CSMD1: variants seen among roughly 807,000 people sequenced by gnomAD.
The protein encoded by CSMD1 is CUB and sushi domain-containing protein 1.
A neutral mutation model predicts 417.5 loss-of-function variants in CSMD1; 213 were observed. That is an observed-to-expected ratio of 0.51 (90% CI 0.46 to 0.57). The LOEUF (loss-of-function observed/expected upper bound fraction) is 0.57, where lower values mean the gene tolerates loss of function less well. Among genes scored for constraint, CSMD1 ranks in the 20% least tolerant of loss-of-function variants. The probability of loss-of-function intolerance (pLI) is 0.00; values close to 1 mark genes in which losing one functional copy is unlikely to be tolerated. For missense variants in CSMD1, 6,923 were observed against 4,529.7 expected, an observed-to-expected ratio of 1.53 and a Z score of -15.17; for synonymous variants, 2,862 against 1,736.8, an observed-to-expected ratio of 1.65 and a Z score of -16.11.
chr8:3,913,185 C>T (rs1363008504), intron 5 of CSMD1, among the ~76,000 whole-genome samples: 3 of 151,908 alleles, frequency 2.0e-5, no homozygotes, highest in Non-Finnish European at 2.9e-5. Context: ...AGTTGAGAAC[C>T]GAATATATTG....
intron 3 of CSMD1, among the ~76,000 whole-genome samples, chr8:4,163,058 G>A (rs1180406084): frequency 6.6e-6 from 1 of 152,134 alleles, no homozygotes; most frequent in Non-Finnish European, 1.5e-5. Flanking sequence ...GTCTTTGCAT[G>A]GCTTTCGGTT....
chr8:3,157,884 G>T lies in CSMD1; in HGVS notation c.5914+13C>A. The stretch of plus-strand genomic sequence containing the variant: ...TGTGCGCAGCAGCAGAGTTACAGAA[G>T]GTGCATCCTTACCAATGCACAGGGG... On this transcript the variant is annotated intron_variant, in intron 39 of 69. Transcript: ENST00000635120. 1.3e-6 allele frequency: 2 copies of T among 1,546,988 alleles called. No homozygotes were observed. Among genetic ancestry groups the T allele is most frequent in the Non-Finnish European group, 1.8e-6 (2 of 1,142,362 alleles).
chr8:3,241,697 G>A (rs547700902), intron 26 of CSMD1, among the ~76,000 whole-genome samples: 1 of 152,288 alleles, frequency 6.6e-6, no homozygotes, highest in East Asian at 1.9e-4. Context: ...CCTGGGGGAG[G>A]TGTTTCTGGA....
chr8:3,782,826 G>T (rs1799254192), intron 5 of CSMD1, among the ~76,000 whole-genome samples: 1 of 152,144 alleles, frequency 6.6e-6, no homozygotes, highest in Non-Finnish European at 1.5e-5. Flanking sequence ...TTTCTAGCAT[G>T]AACACTTATG....
At chr8:3,946,034 G>C (rs1262118788) in intron 5 of CSMD1, among the ~76,000 whole-genome samples, 1 of 152,106 alleles carries the variant, frequency 6.6e-6, no homozygotes. Flanking sequence ...CTACGATGTA[G>C]GCGCTACTTT....
At chr8:4,607,492 G>A (rs1397596113) in intron 2 of CSMD1, among the ~76,000 whole-genome samples, 7 of 152,164 alleles carry the variant, frequency 4.6e-5, no homozygotes. Flanking sequence ...AACCCAGGGT[G>A]TGTGCCAAGC....
chr8:3,166,876 T>A (rs999888666), intron 37 of CSMD1, among the ~76,000 whole-genome samples: 3 of 152,224 alleles, frequency 2.0e-5, no homozygotes, highest in African/African-American at 7.2e-5. Flanking sequence ...AGCTGTCTTA[T>A]TGTTTAGGAA....
chr8:4,535,770 C>G (rs778044958), intron 2 of CSMD1, among the ~76,000 whole-genome samples: 1 of 152,126 alleles, frequency 6.6e-6, no homozygotes, highest in African/African-American at 2.4e-5. Flanking sequence ...TTAGTTCATG[C>G]TTCTAGGACT....
chr8:4,620,364 A>G (rs1027353820), intron 2 of CSMD1, among the ~76,000 whole-genome samples: 1 of 151,650 alleles, frequency 6.6e-6, no homozygotes, highest in Non-Finnish European at 1.5e-5. Flanking sequence ...ATAGACATCA[A>G]TATTTCCATT....
At position 4,037,558 on chromosome 8, in the gene CSMD1, G is replaced by C. The variant is rs188154902; in HGVS notation, c.416-5459C>G. Among the ~76,000 whole-genome samples, 35 of 152,200 alleles carry C rather than the reference G, an allele frequency of 2.3e-4. No homozygotes were observed. In the East Asian group the frequency reaches 5.8e-3, roughly 25 times the overall value. ...AAAACACAAATCAGACATAGCCTTT[G>C]CAAGGTGCCGTTTTTCAACTGACAG... On this transcript the variant is annotated intron_variant, in intron 3 of 69. Transcript: ENST00000635120.
chr8:3,090,573 G>A (rs1483752198), intron 48 of CSMD1, among the ~76,000 whole-genome samples: 1 of 152,062 alleles, frequency 6.6e-6, no homozygotes, highest in African/African-American at 2.4e-5. Context: ...TCTTACAACT[G>A]CTGTTTTAAC....
intron 2 of CSMD1, among the ~76,000 whole-genome samples, chr8:4,427,458 C>G (rs1797627716): frequency 6.6e-6 from 1 of 151,040 alleles, no homozygotes; most frequent in Admixed American, 6.6e-5. Flanking sequence ...TGCAATCAAG[C>G]AGGCAAAGTT....
chr8:4,032,061 G>A lies in CSMD1; in HGVS notation c.454C>T (p.Leu152=), dbSNP rs758046817. ...SHTCGNPGEI[L]KGVLHGTRFN... ...CTCGTTCCATGCAGAACTCCTTTCA[G>A]GATTTCTCCAGGATTTCCACAAGTG... is the stretch of plus-strand genomic sequence containing the variant. Residue 152 remains leucine (L), a synonymous_variant, in exon 4 of 70, where the codon CTG becomes TTG. Transcript: ENST00000635120. 3 of 1,613,228 alleles carry A rather than the reference G, an allele frequency of 1.9e-6. No homozygotes were observed. The highest frequency in any genetic ancestry group is 2.5e-6 in the Non-Finnish European group (3 of 1,179,544).
intron 1 of CSMD1, among the ~76,000 whole-genome samples, chr8:4,781,143 C>T (rs73179606): frequency 0.11 from 16,332 of 152,194 alleles, 962 homozygotes; most frequent in African/African-American, 0.15. Flanking sequence ...CACCTGCAAT[C>T]CCACATAGTG....
At chr8:3,231,975 T>A (rs970162300) in intron 26 of CSMD1, among the ~76,000 whole-genome samples, 2 of 152,226 alleles carry the variant, frequency 1.3e-5, no homozygotes, top group African/African-American at 2.4e-5. Context: ...CCACTCTCTT[T>A]CTCTCAAATT....
intron 5 of CSMD1, among the ~76,000 whole-genome samples, chr8:3,957,975 T>C (rs897204089): frequency 5.3e-5 from 8 of 152,204 alleles, no homozygotes; most frequent in African/African-American, 1.9e-4. Flanking sequence ...ATATTTTTAC[T>C]TTCTTTTTGC....
intron 1 of CSMD1, among the ~76,000 whole-genome samples, chr8:4,763,464 T>A (rs894336034): frequency 6.6e-6 from 1 of 152,202 alleles, no homozygotes; most frequent in Non-Finnish European, 1.5e-5. Context: ...AATAGTGACA[T>A]GATGAGAGCT....
At chr8:4,542,573 A>G (rs1797440407) in intron 2 of CSMD1, among the ~76,000 whole-genome samples, 1 of 152,156 alleles carries the variant, frequency 6.6e-6, no homozygotes, top group Non-Finnish European at 1.5e-5. Context: ...TTTGCCCAGT[A>G]TTTTATGTTA....
chr8:3,463,814 G>C (rs531925485), intron 12 of CSMD1, among the ~76,000 whole-genome samples: 3 of 152,148 alleles, frequency 2.0e-5, no homozygotes, highest in African/African-American at 7.2e-5. Context: ...TGCCAAGAAT[G>C]GTAAAGATGC....
Sources: allele counts gnomAD v4.1 joint callset (sites outside exome capture counted in the v4.1 genomes callset), GRCh38; gene constraint gnomAD v4.1.1; transcripts MANE v1.5; gene names NCBI Gene and HGNC (gene_info 2026-07-23, HGNC 2026-07-21).